Variants in COX15 observed in about 807,000 individuals in gnomAD.
The protein encoded by COX15 is heme A synthase COX15.
Under a neutral mutation model 51.9 loss-of-function variants are expected in COX15, and 51 were observed. That is an observed-to-expected ratio of 0.98 (90% CI 0.78 to 1.24). The LOEUF is 1.24. Ranked by LOEUF, COX15 falls within the 50% of genes most tolerant of loss-of-function variation. The pLI is 0.00. For missense variants in COX15, 420 were observed against 501.1 expected (o/e 0.84, Z 1.55); for synonymous variants, 188 against 190.5 (o/e 0.99, Z 0.11).
the COX15 span, chr10:99,702,603 C>G: frequency 1.5e-5 from 25 of 1,613,832 alleles, no homozygotes; most frequent in East Asian, 4.7e-4. Context: ...GACAGCCCAG[C>G]TGGTGTATGA....
At chr10:99,720,692 G>T (rs923722950) in intron 6 of COX15, among the ~76,000 whole-genome samples, 1 of 152,174 alleles carries the variant, frequency 6.6e-6, no homozygotes, top group South Asian at 2.1e-4. Flanking sequence ...GGTCTCTAAG[G>T]CCCAGAGAGG....
chr10:99,696,227 C>G, the COX15 span: 2 of 1,371,926 alleles, frequency 1.5e-6, no homozygotes, highest in East Asian at 4.8e-5. Context: ...CTGCTTCCTC[C>G]TTCTTTCTGA....
At chr10:99,704,584 A>G in the COX15 span, 3 of 1,614,092 alleles carry the variant, frequency 1.9e-6, no homozygotes, top group Non-Finnish European at 2.5e-6. Context: ...TTCTGCGGCT[A>G]CGCCGAATTC....
Position 99,714,000 on chromosome 10 carries a change from G to A in COX15, c.*587C>T. On this transcript the variant is annotated 3_prime_UTR_variant, in exon 9 of 9. Coordinates refer to ENST00000016171, the MANE Select transcript of COX15 (RefSeq NM_078470.6). ...AAAAAAAAAAAAAATGGAACTATTT[G>A]GCGATTACCTCCTTTTCCAAGTACT... 2 of 981,826 alleles carry A rather than the reference G, an allele frequency of 2.0e-6. No homozygotes were observed. Among genetic ancestry groups the A allele is most frequent in the Non-Finnish European group, 2.4e-6 (2 of 823,530 alleles). The allele number at this position is 981,826 out of a possible 1,614,324, so 60.8% of individuals were successfully genotyped here. A position where few individuals can be genotyped will look rare whatever the true frequency, so the allele number is the denominator to read the frequency against.
In COX15 at chr10:99,713,273, C is replaced by T; in HGVS notation, c.*1314G>A. 1 of 1,526,022 alleles carries T rather than the reference C, an allele frequency of 6.6e-7. No homozygotes were observed. The highest frequency in any genetic ancestry group is 2.3e-5 in the East Asian group (1 of 43,888). The allele number at this position is 1,526,022 out of a possible 1,614,324, so 94.5% of individuals were successfully genotyped here. On this transcript the variant is annotated 3_prime_UTR_variant, in exon 9 of 9. Coordinates refer to ENST00000016171, the MANE Select transcript of COX15 (RefSeq NM_078470.6). ...TAAGGCCAGGTTTCTTCAGCCCAAA[C>T]TTATACAACTTATTTAATTTAAATG...
At chr10:99,715,049 CT>C (rs1301958938) in intron 8 of COX15, among the ~76,000 whole-genome samples, 1 of 152,096 alleles carries the variant, frequency 6.6e-6, no homozygotes, top group East Asian at 1.9e-4. Flanking sequence ...CTGTCACTTG[CT>C]TTTTTTCACT....
At position 99,727,118 on chromosome 10, in the gene COX15, G is replaced by A; in HGVS notation, c.432C>T (p.Phe144=). The change falls in exon 4 of 9, where the codon TTC becomes TTT. Residue 144 remains phenylalanine (F), a synonymous_variant. Transcript: ENST00000016171. ...NHDMTLTEFK[F]IWYMEYSHRM... ...GGTGTGAGTACTCCATGTACCAGAT[G>A]AACTTGAATTCTGTCAGTGTCATAT... 6.2e-7 allele frequency: 1 copy of A among 1,614,214 alleles called. No homozygotes were observed. Among genetic ancestry groups the A allele is most frequent in the Non-Finnish European group, 8.5e-7 (1 of 1,180,040 alleles).
At chr10:99,707,420 C>T (rs116634553), downstream of COX15, among the ~76,000 whole-genome samples, 1,223 of 152,324 alleles carry the variant, frequency 8.0e-3, 14 homozygotes, top group African/African-American at 0.027. Flanking sequence ...GAGCCAATTA[C>T]TTAAATATAT....
chr10:99,727,655 G>T (rs1212249578), intron 2 of COX15, 92 bp from the exon 3 acceptor site: 2 of 1,410,412 alleles, frequency 1.4e-6, no homozygotes, highest in Admixed American at 1.7e-5. Flanking sequence ...ACTTAACCTT[G>T]TTAAAGGTAA....
chr10:99,718,006 T>C (rs533453874), intron 7 of COX15, among the ~76,000 whole-genome samples: 7 of 152,292 alleles, frequency 4.6e-5, no homozygotes, highest in African/African-American at 1.7e-4. Context: ...CGCATTCGCT[T>C]CTCTACTCAA....
At chr10:99,717,690 T>C (rs2133581374) in intron 7 of COX15, among the ~76,000 whole-genome samples, 1 of 152,206 alleles carries the variant, frequency 6.6e-6, no homozygotes, top group Middle Eastern at 3.4e-3. Context: ...GCCCAGCCTC[T>C]CTATTCCTTT....
At chr10:99,710,039 T>C, downstream of COX15, 1 of 985,472 alleles carries the variant, frequency 1.0e-6, no homozygotes, top group Non-Finnish European at 1.2e-6. Flanking sequence ...AGGCTATGTA[T>C]AGCCACACAT....
At chr10:99,714,791 T>A in intron 8 of COX15, 73 bp from the exon 9 acceptor site, 1 of 1,603,600 alleles carries the variant, frequency 6.2e-7, no homozygotes, top group Non-Finnish European at 8.5e-7. Flanking sequence ...CAGGCGTGGA[T>A]AACCACACAC....
Position 99,712,165 on chromosome 10 carries a change from G to T in COX15, c.*2422C>A. Reference sequence around the variant, plus strand: ...ACTAGGCCCACCTCTAACACTGAATGTCACACTTTGAACATGAGATTTGGA... The same window carrying T: ...ACTAGGCCCACCTCTAACACTGAATTTCACACTTTGAACATGAGATTTGGA... On this transcript the variant is annotated 3_prime_UTR_variant, in exon 9 of 9. Transcript: ENST00000016171. 1.1e-6 allele frequency: 1 copy of T among 935,706 alleles called. No individual in the cohort carries two copies. 58.0% of individuals were successfully genotyped at this position (935,706 alleles called of 1,614,324 possible). A position where few individuals can be genotyped will look rare whatever the true frequency, so the allele number is the denominator to read the frequency against.
the COX15 span, chr10:99,700,875 C>T: frequency 1.0e-6 from 1 of 958,372 alleles, no homozygotes; most frequent in African/African-American, 1.6e-5. Context: ...AGCTGGTAGC[C>T]CACAAGTAAC....
chr10:99,720,892 T>C (rs913111758), intron 6 of COX15, 95 bp downstream of exon 6: 7 of 916,128 alleles, frequency 7.6e-6, no homozygotes, highest in East Asian at 2.5e-5. Context: ...GAAAAGGAAA[T>C]ATAAAGATGC....
In COX15 at chr10:99,712,836, C is replaced by T; in HGVS notation, c.*1751G>A. 2.9e-6 allele frequency: 1 copy of T among 343,846 alleles called. No individual in the cohort carries two copies. The highest frequency in any genetic ancestry group is 1.1e-4 in the South Asian group (1 of 9,026). The allele number at this position is 343,846 out of a possible 1,614,324, so 21.3% of individuals were successfully genotyped here. On this transcript the variant is annotated 3_prime_UTR_variant, in exon 9 of 9. Transcript: ENST00000016171. ...ACTAAAACTAACTTCCTGCAACTTT[C>T]ATCCATTGCTGCCAGCTCTGCAGCA...
rs1449232263 is a variant in COX15 at position 99,714,681 on chromosome 10, G to C, written c.1139C>G (p.Pro380Arg). ...LGISTLLMYVPTPLAATHQSG... is the reference protein window; with the variant it reads ...LGISTLLMYVRTPLAATHQSG... The stretch of plus-strand genomic sequence containing the variant: ...CTGGTGAGTGGCGGCCAGAGGAGTT[G>C]GGACATACATCAGCAGCGTGCTGAT... Residue 380 changes from proline (P) to arginine (R), a missense_variant, in exon 9 of 9, where the codon CCA (proline) becomes CGA (arginine). Physicochemically the swap from Pro to Arg is moderately radical, Grantham distance 103. Transcript: ENST00000016171. 6.2e-7 allele frequency: 1 copy of C among 1,613,834 alleles called. No individual in the cohort carries two copies. The highest frequency in any genetic ancestry group is 8.5e-7 in the Non-Finnish European group (1 of 1,180,018).
chr10:99,703,051 G>A, the COX15 span, among the ~76,000 whole-genome samples: 1 of 152,184 alleles, frequency 6.6e-6, no homozygotes, highest in African/African-American at 2.4e-5. Context: ...AAGAACAGGG[G>A]TAGGATGTCT....
Sources: allele counts gnomAD v4.1 joint callset (sites outside exome capture counted in the v4.1 genomes callset), GRCh38; gene constraint gnomAD v4.1.1; transcripts MANE v1.5; gene names NCBI Gene and HGNC (gene_info 2026-07-23, HGNC 2026-07-21).